TRIP13: variants seen among roughly 807,000 people sequenced by gnomAD.
TRIP13 encodes the protein pachytene checkpoint protein 2 homolog.
TRIP13 carries 25 observed loss-of-function variants against 54.4 expected under a neutral mutation model. That is an observed-to-expected ratio of 0.46 (90% confidence interval 0.33 to 0.64). The LOEUF (loss-of-function observed/expected upper bound fraction) is 0.64, where lower values mean the gene tolerates loss of function less well. Ranked by LOEUF, TRIP13 falls within the 30% of genes least tolerant of loss-of-function variation. The pLI, the probability that TRIP13 is intolerant of heterozygous loss-of-function variation, is 0.02. For missense variants in TRIP13, 373 were observed against 534.2 expected (o/e 0.70, Z 2.97); for synonymous variants, 207 against 207.8 (o/e 1.00, Z 0.03).
Position 907,880 on chromosome 5 carries a change from C to G in TRIP13, c.673-108C>G. 9.1e-7 allele frequency: 1 copy of G among 1,104,052 alleles called. No homozygotes were observed. Among genetic ancestry groups the G allele is most frequent in the Non-Finnish European group, 1.4e-6 (1 of 726,694 alleles). 68.4% of individuals were successfully genotyped at this position (1,104,052 alleles called of 1,614,324 possible). On this transcript the variant is annotated intron_variant, in intron 7 of 12. Transcript: ENST00000166345. The surrounding 1 kb of genome is among the most constrained non-coding windows in gnomAD (Gnocchi z 4.1). ...AGCTTTCTGAGGGGCCGTCAGGAGA[C>G]AGTGGGCTTGTGGGGACAACTGGGG...
chr5:913,347 G>C lies in TRIP13; in HGVS notation c.1021-1118G>C, dbSNP rs983133338. 1.3e-5 allele frequency among the ~76,000 whole-genome samples: 2 copies of C among 152,002 alleles called. No individual in the cohort carries two copies. Among genetic ancestry groups the C allele is most frequent in the African/African-American group, 4.8e-5 (2 of 41,330 alleles). On this transcript the variant is annotated intron_variant, in intron 10 of 12. Transcript: ENST00000166345. This position sits in a 1 kb window ranked among gnomAD's most constrained non-coding sequence, Gnocchi z 4.5. The stretch of plus-strand genomic sequence containing the variant: ...TTTTTCTGGGACAGTGTAGGACAGG[G>C]GTAGTTTTTTGTTTGTTTGTTTATT...
At chr5:894,010 C>A (rs1753804823) in intron 1 of TRIP13, among the ~76,000 whole-genome samples, 2 of 152,182 alleles carry the variant, frequency 1.3e-5, no homozygotes, top group South Asian at 4.2e-4. Flanking sequence ...ACAGCTGCAC[C>A]TAGAGGACAG....
intron 11 of TRIP13, among the ~76,000 whole-genome samples, chr5:914,893 T>C (rs1421719091): frequency 6.6e-6 from 1 of 152,036 alleles, no homozygotes; most frequent in Non-Finnish European, 1.5e-5. Context: ...GAAATGGCTT[T>C]GGGGGTCCAG....
chr5:893,550 C>G (rs1019306983), intron 1 of TRIP13: 15 of 187,238 alleles, frequency 8.0e-5, no homozygotes, highest in Non-Finnish European at 1.6e-4. Context: ...CTCACGGACT[C>G]GATGTTAAAT....
At position 913,870 on chromosome 5, in the gene TRIP13, G is replaced by C. The variant is rs1754290624; in HGVS notation, c.1021-595G>C. On this transcript the variant is annotated intron_variant, in intron 10 of 12. Transcript: ENST00000166345. This position sits in a 1 kb window ranked among gnomAD's most constrained non-coding sequence, Gnocchi z 4.5. The stretch of plus-strand genomic sequence containing the variant: ...TCCTGAGTCAGAACGGTTCGTATTA[G>C]AATTCAGTCATAGTAAGTCAGTGTG... Among the ~76,000 whole-genome samples the C allele has an allele frequency of 6.6e-6, 1 of 152,102 alleles. No individual in the cohort carries two copies. The highest frequency in any genetic ancestry group is 1.5e-5 in the Non-Finnish European group (1 of 68,036).
chr5:900,404 AGCTCAGGCTTAG>A, intron 3 of TRIP13, 78 bp from the exon 4 acceptor site: 1 of 1,272,322 alleles, frequency 7.9e-7, no homozygotes, highest in Non-Finnish European at 1.1e-6. Flanking sequence ...CACAATGGGA[AGCTCAGGCTTAG>A]GCTCAGGGGA....
At position 917,230 on chromosome 5, in the gene TRIP13, A is replaced by G; in HGVS notation, c.*127A>G. On this transcript the variant is annotated 3_prime_UTR_variant, in exon 13 of 13. Coordinates refer to ENST00000166345, the MANE Select transcript of TRIP13 (RefSeq NM_004237.4). ...AAACGTTACTTAGACTGCAAGCTAG[A>G]AAGCCACCAAGGCCAGGCTTTGTTA... 2 of 804,510 alleles carry G rather than the reference A, an allele frequency of 2.5e-6. No homozygotes were observed. The highest frequency in any genetic ancestry group is 5.5e-5 in the East Asian group (2 of 36,638). The allele number at this position is 804,510 out of a possible 1,614,324, so 49.8% of individuals were successfully genotyped here.
Position 911,791 on chromosome 5 carries a change from TG to T in TRIP13, c.867-49del. Reference sequence around the variant, plus strand: ...CTTGCCAGATAGGGCAGGATAGAATTGGGTCACCGACAGCCGTGATGACTGT... The same window carrying T: ...CTTGCCAGATAGGGCAGGATAGAATTGGTCACCGACAGCCGTGATGACTGT... On this transcript the variant is annotated intron_variant, in intron 9 of 12. Coordinates refer to ENST00000166345, the MANE Select transcript of TRIP13 (RefSeq NM_004237.4). The surrounding 1 kb of genome is among the most constrained non-coding windows in gnomAD (Gnocchi z 4.7). 1 of 1,570,798 alleles carries T rather than the reference TG, an allele frequency of 6.4e-7. No individual in the cohort carries two copies.
chr5:900,380 C>G, intron 3 of TRIP13, 114 bp from the exon 4 acceptor site: 1 of 1,014,828 alleles, frequency 9.9e-7, no homozygotes, highest in South Asian at 1.5e-5. Flanking sequence ...GAATCATAGT[C>G]TTGCCTGGAG....
chr5:894,879 A>G lies in TRIP13; in HGVS notation c.185A>G (p.Asp62Gly), dbSNP rs1753882370. 2.5e-6 allele frequency: 4 copies of G among 1,614,060 alleles called. No individual in the cohort carries two copies. The highest frequency in any genetic ancestry group is 3.4e-6 in the Non-Finnish European group (4 of 1,179,994). ...VFGDYTWTEF[D>G]EPFLTRNVQS... is the part of the protein sequence containing the mutation. ...GGTGATTACACATGGACTGAGTTTGATGAACCTTTTTTGACCAGAAATGTG... is the reference window on the plus strand; with the variant it reads ...GGTGATTACACATGGACTGAGTTTGGTGAACCTTTTTTGACCAGAAATGTG... The change falls in exon 2 of 13, where the codon GAT becomes GGT. Residue 62 changes from aspartate (D) to glycine (G), a missense_variant. This residue lies in a region of TRIP13 where 151 missense variants were observed against 151.9 expected (regional missense o/e 0.99). Coordinates refer to ENST00000166345, the MANE Select transcript of TRIP13 (RefSeq NM_004237.4).
At chr5:916,964 A>G (rs1754353943) in intron 12 of TRIP13, 44 bp from the exon 13 acceptor site, 1 of 1,591,444 alleles carries the variant, frequency 6.3e-7, no homozygotes. Flanking sequence ...TGGCCCCACC[A>G]AACGTGAGTT....
intron 9 of TRIP13, among the ~76,000 whole-genome samples, chr5:909,659 G>A (rs1754188733): frequency 1.3e-5 from 2 of 152,374 alleles, no homozygotes; most frequent in South Asian, 2.1e-4. Context: ...TCAGAGCTGA[G>A]AGCCCCGAAC....
intron 1 of TRIP13, among the ~76,000 whole-genome samples, chr5:894,028 C>T (rs114802086): frequency 0.022 from 3,304 of 152,252 alleles, 120 homozygotes; most frequent in African/African-American, 0.075. Context: ...CAGACACCTA[C>T]GTACAACTGC....
chr5:905,593 G>A (rs537293828), intron 6 of TRIP13, among the ~76,000 whole-genome samples: 1 of 151,562 alleles, frequency 6.6e-6, no homozygotes, highest in South Asian at 2.1e-4. Context: ...GAAAGTTAGA[G>A]CATTTGTAGA....
At chr5:895,061 C>G in intron 2 of TRIP13, 109 bp downstream of exon 2, 1 of 1,283,214 alleles carries the variant, frequency 7.8e-7, no homozygotes, top group African/African-American at 1.5e-5. Context: ...GTTCACTTCT[C>G]TGTTGGTTTG....
At chr5:901,907 G>A (rs1016237955) in intron 5 of TRIP13, among the ~76,000 whole-genome samples, 5 of 152,242 alleles carry the variant, frequency 3.3e-5, no homozygotes, top group African/African-American at 1.2e-4. Context: ...ACAGGCTTGA[G>A]CCACCGCGCG....
chr5:903,126 C>G (rs113867090), intron 5 of TRIP13, among the ~76,000 whole-genome samples: 5,209 of 152,106 alleles, frequency 0.034, 133 homozygotes, highest in Non-Finnish European at 0.049. Context: ...AGAGTCTTCT[C>G]TAAACTCCCC....
In TRIP13 at chr5:917,179, C is replaced by T; in HGVS notation, c.*76C>T. On this transcript the variant is annotated 3_prime_UTR_variant, in exon 13 of 13. Transcript: ENST00000166345. Reference sequence around the variant, plus strand: ...AAGTGAGGTTGCCCCACACAGCCGTCTCCCAGGGAATCCCTTCTGCAAACC... The same window carrying T: ...AAGTGAGGTTGCCCCACACAGCCGTTTCCCAGGGAATCCCTTCTGCAAACC... The T allele has an allele frequency of 1.4e-6, 2 of 1,437,008 alleles. No individual in the cohort carries two copies. Among genetic ancestry groups the T allele is most frequent in the South Asian group, 2.4e-5 (2 of 82,050 alleles). 89.0% of individuals were successfully genotyped at this position (1,437,008 alleles called of 1,614,324 possible). A position where few individuals can be genotyped will look rare whatever the true frequency, so the allele number is the denominator to read the frequency against.
chr5:916,062 G>C, intron 12 of TRIP13, 89 bp downstream of exon 12: 2 of 1,342,730 alleles, frequency 1.5e-6, no homozygotes, highest in Middle Eastern at 2.3e-4. Context: ...TGGGGTATCA[G>C]CCTCATTTTA....
Sources: gnomAD v4.1 joint callset for allele counts (sites outside exome capture counted in the v4.1 genomes callset) on GRCh38, gnomAD v4.1.1 for gene constraint, gnomAD v4.1.1 regional missense constraint, Gnocchi (gnomAD v3.1) non-coding constraint, MANE v1.5 for transcripts, NCBI Gene and HGNC (gene_info 2026-07-23, HGNC 2026-07-21) for gene names.